Variants in NRG3 observed in about 807,000 individuals in gnomAD.
NRG3 encodes pro-neuregulin-3, membrane-bound isoform.
In NRG3, 31 loss-of-function variants were observed where a neutral mutation model predicts 66.9. The ratio of observed to expected loss-of-function variants is 0.46; its 90% CI spans 0.35 to 0.63. NRG3 has a LOEUF of 0.63. Ranked by LOEUF, NRG3 falls within the 20% of genes least tolerant of loss-of-function variation. The pLI, the probability that NRG3 is intolerant of heterozygous loss-of-function variation, is 0.00. For missense variants in NRG3, 910 were observed against 878.9 expected (o/e 1.04, Z -0.45); for synonymous variants, 393 against 359.4 (o/e 1.09, Z -1.06).
intron 2 of NRG3, among the ~76,000 whole-genome samples, chr10:82,547,645 A>G (rs965351634): frequency 2.0e-5 from 3 of 151,878 alleles, no homozygotes; most frequent in Admixed American, 2.0e-4. Context: ...GTATATATAT[A>G]TATTTATGCA....
chr10:82,893,473 A>T (rs1273199205), intron 4 of NRG3, among the ~76,000 whole-genome samples: 4 of 152,194 alleles, frequency 2.6e-5, no homozygotes, highest in Non-Finnish European at 5.9e-5. Flanking sequence ...GCAGATCACG[A>T]GGTCAGGAGA....
intron 2 of NRG3, among the ~76,000 whole-genome samples, chr10:82,704,614 C>G (rs1337919955): frequency 6.6e-6 from 1 of 152,154 alleles, no homozygotes; most frequent in Non-Finnish European, 1.5e-5. Context: ...TATGTCATGA[C>G]ACTCCCGGTA....
chr10:82,579,346 T>A (rs2046221021), intron 2 of NRG3, among the ~76,000 whole-genome samples: 1 of 151,900 alleles, frequency 6.6e-6, no homozygotes, highest in Non-Finnish European at 1.5e-5. Flanking sequence ...TTGATTTAAT[T>A]TGGCCAAATG....
intron 1 of NRG3, among the ~76,000 whole-genome samples, chr10:82,270,095 A>G (rs2078514678): frequency 3.3e-5 from 5 of 152,158 alleles, no homozygotes; most frequent in Admixed American, 2.6e-4. Context: ...ACTGTTAGCT[A>G]TAATTGCACA....
At chr10:82,841,864 A>T (rs1416061606) in intron 3 of NRG3, among the ~76,000 whole-genome samples, 1 of 152,170 alleles carries the variant, frequency 6.6e-6, no homozygotes, top group African/African-American at 2.4e-5. Context: ...TGACCCAACA[A>T]AAGTTTATTT....
At chr10:82,136,057 A>C (rs1197925037) in intron 1 of NRG3, among the ~76,000 whole-genome samples, 2 of 152,174 alleles carry the variant, frequency 1.3e-5, no homozygotes, top group Non-Finnish European at 2.9e-5. Flanking sequence ...CCTTATCAGC[A>C]TTAGGGGACA....
chr10:82,404,405 C>CT (rs1311853979), intron 2 of NRG3, among the ~76,000 whole-genome samples: 1 of 152,144 alleles, frequency 6.6e-6, no homozygotes, highest in Non-Finnish European at 1.5e-5. Context: ...CACCTAATGT[C>CT]TCACTTCTAT....
chr10:82,315,708 G>A (rs910884861), intron 1 of NRG3, among the ~76,000 whole-genome samples: 6 of 145,906 alleles, frequency 4.1e-5, no homozygotes, highest in Admixed American at 1.4e-4. Context: ...CTCTGTCGCC[G>A]AGGCTGGAGT....
intron 2 of NRG3, among the ~76,000 whole-genome samples, chr10:82,728,357 T>C (rs946292277): frequency 3.9e-5 from 6 of 152,134 alleles, no homozygotes; most frequent in Non-Finnish European, 8.8e-5. Flanking sequence ...TGGGAGGTAA[T>C]TGAATCGTGG....
chr10:82,777,628 AC>A lies in NRG3; in HGVS notation c.1027+38979del, dbSNP rs1314544000. 7.9e-5 allele frequency among the ~76,000 whole-genome samples: 12 copies of A among 152,242 alleles called. No individual in the cohort carries two copies. The South Asian group carries it at 1.9e-3, about 24-fold the overall frequency. On this transcript the variant is annotated intron_variant, in intron 3 of 8. Coordinates refer to ENST00000372141, the MANE Select transcript of NRG3 (RefSeq NM_001010848.4). The stretch of plus-strand genomic sequence containing the variant: ...TCCTGGGGATCAAGGTGTAATACTG[AC>A]ATAGCTCTAGGGAAGAATTGGTGTT...
intron 1 of NRG3, among the ~76,000 whole-genome samples, chr10:82,188,934 T>C (rs995466066): frequency 1.3e-5 from 2 of 152,062 alleles, no homozygotes; most frequent in African/African-American, 4.8e-5. Context: ...AAAAATGCAA[T>C]TGGATTTTTT....
intron 1 of NRG3, among the ~76,000 whole-genome samples, chr10:82,133,146 A>T (rs1385985812): frequency 6.7e-6 from 1 of 148,494 alleles, no homozygotes. Flanking sequence ...AAAATGCATC[A>T]TTAAGTTGTT....
intron 1 of NRG3, among the ~76,000 whole-genome samples, chr10:82,063,729 A>G (rs986275792): frequency 6.6e-6 from 1 of 152,168 alleles, no homozygotes; most frequent in African/African-American, 2.4e-5. Flanking sequence ...TAAATAGCTG[A>G]AGAAAGAACT....
chr10:81,955,727 T>C (rs1349957109), intron 1 of NRG3, among the ~76,000 whole-genome samples: 2 of 152,188 alleles, frequency 1.3e-5, no homozygotes, highest in Non-Finnish European at 2.9e-5. Flanking sequence ...ATTTATCCTT[T>C]TTTTCCAGCT....
rs144817913 is a variant in NRG3 at position 82,973,851 on chromosome 10, G to C, written c.1348G>C (p.Gly450Arg). ...GAAAATGATGGAGTCAAGTTTTGTC[G>C]GCCCCCAGTCATTCCCTGAGGTCCC... ...LEKMMESSFVGPQSFPEVPSP... is the reference protein window; with the variant it reads ...LEKMMESSFVRPQSFPEVPSP... Residue 450 changes from glycine to arginine, a missense_variant, in exon 7 of 9, where the codon GGC becomes CGC. Physicochemically the swap from Gly to Arg is moderately radical, Grantham distance 125. Transcript: ENST00000372141. 4.2e-5 allele frequency: 67 copies of C among 1,613,810 alleles called. No homozygotes were observed. The highest frequency in any genetic ancestry group is 5.2e-5 in the Non-Finnish European group (61 of 1,179,932).
intron 2 of NRG3, among the ~76,000 whole-genome samples, chr10:82,545,499 C>T (rs1229480145): frequency 1.3e-5 from 2 of 151,416 alleles, no homozygotes; most frequent in Non-Finnish European, 2.9e-5. Flanking sequence ...CGGCCTCAGC[C>T]TCCCAAGTAG....
intron 1 of NRG3, among the ~76,000 whole-genome samples, chr10:82,090,433 A>G (rs996507598): frequency 6.6e-6 from 1 of 152,248 alleles, no homozygotes; most frequent in Non-Finnish European, 1.5e-5. Context: ...ATGTTGATTA[A>G]GAATAAATTT....
At chr10:82,718,026 A>G (rs1368719802) in intron 2 of NRG3, among the ~76,000 whole-genome samples, 2 of 152,146 alleles carry the variant, frequency 1.3e-5, no homozygotes, top group African/African-American at 2.4e-5. Context: ...TATTCTATTC[A>G]CTAACATATT....
At chr10:81,891,959 C>G (rs1407802919) in intron 1 of NRG3, among the ~76,000 whole-genome samples, 1 of 152,192 alleles carries the variant, frequency 6.6e-6, no homozygotes, top group Non-Finnish European at 1.5e-5. Flanking sequence ...CTGTCTCGCT[C>G]TGTCCACACA....
Sources: gnomAD v4.1 joint callset for allele counts (sites outside exome capture counted in the v4.1 genomes callset) on GRCh38, gnomAD v4.1.1 for gene constraint, MANE v1.5 for transcripts, NCBI Gene and HGNC (gene_info 2026-07-23, HGNC 2026-07-21) for gene names.